Variants in NUP54 observed in about 807,000 individuals in gnomAD.
NUP54 encodes nucleoporin 54.
In NUP54, 27 loss-of-function variants were observed where a neutral mutation model predicts 66.4. The ratio of observed to expected loss-of-function variants is 0.41; its 90% CI spans 0.30 to 0.56. NUP54 has a LOEUF of 0.56. Among genes scored for constraint, NUP54 ranks in the 20% least tolerant of loss-of-function variants. The pLI is 0.34. For missense variants in NUP54, 486 were observed against 596.3 expected, an observed-to-expected ratio of 0.82 and a Z score of 1.93; for synonymous variants, 206 against 210.7, an observed-to-expected ratio of 0.98 and a Z score of 0.19.
At chr4:76,134,511 C>CCT in intron 4 of NUP54, 149 bp from the exon 5 acceptor site, 2 of 668,156 alleles carry the variant, frequency 3.0e-6, no homozygotes, top group Non-Finnish European at 4.9e-6. Flanking sequence ...CCATTTTGTG[C>CCT]CCTAGGAGGT....
chr4:76,130,286 A>AT (rs1730746429), intron 8 of NUP54, among the ~76,000 whole-genome samples: 1 of 152,186 alleles, frequency 6.6e-6, no homozygotes, highest in Non-Finnish European at 1.5e-5. Flanking sequence ...ATATTTAAGC[A>AT]TTAATTTTAT....
At position 76,125,665 on chromosome 4, in the gene NUP54, G is replaced by A. The variant is rs1206506581; in HGVS notation, c.1057-909C>T. Among the ~76,000 whole-genome samples the A allele has an allele frequency of 5.6e-3, 114 of 20,464 alleles. 12 individuals are homozygous for A. Among genetic ancestry groups the A allele is most frequent in the Non-Finnish European group, 6.6e-3 (73 of 11,098 alleles). 13.4% of individuals were successfully genotyped at this position (20,464 alleles called of 152,430 possible). On this transcript the variant is annotated intron_variant, in intron 8 of 11. Coordinates refer to ENST00000264883, the MANE Select transcript of NUP54 (RefSeq NM_017426.4). Reference sequence around the variant, plus strand: ...GGGAGAGGGGGAGAGGGAGAGAGGGGGAGAGAGGGAGAGAGGGAGAGGGAG... The same window carrying A: ...GGGAGAGGGGGAGAGGGAGAGAGGGAGAGAGAGGGAGAGAGGGAGAGGGAG...
intron 1 of NUP54, chr4:76,147,697 A>C (rs1731562782): frequency 1.7e-6 from 2 of 1,209,652 alleles, no homozygotes; most frequent in African/African-American, 3.2e-5. Flanking sequence ...GGGAAAAAGA[A>C]AAGAAAGCAA....
intron 1 of NUP54, chr4:76,145,904 G>A (rs945263301): frequency 3.6e-6 from 1 of 275,522 alleles, no homozygotes; most frequent in Non-Finnish European, 7.1e-6. Flanking sequence ...TTGCATGCAG[G>A]CACAACTAAA....
chr4:76,121,983 G>C (rs924403230), intron 9 of NUP54, among the ~76,000 whole-genome samples: 2 of 152,116 alleles, frequency 1.3e-5, no homozygotes, highest in Non-Finnish European at 2.9e-5. Context: ...AAACCTCCAA[G>C]ATAGCAACAA....
chr4:76,115,981 T>C (rs1315573288), intron 11 of NUP54, among the ~76,000 whole-genome samples: 1 of 152,218 alleles, frequency 6.6e-6, no homozygotes, highest in Non-Finnish European at 1.5e-5. Flanking sequence ...ATTCACTCAC[T>C]TAACTCATTT....
intron 9 of NUP54, among the ~76,000 whole-genome samples, chr4:76,119,577 G>A (rs371981300): frequency 4.7e-5 from 7 of 149,018 alleles, no homozygotes; most frequent in Admixed American, 1.3e-4. Flanking sequence ...GAGGTCTCCC[G>A]ATGTTGCCCA....
Position 76,134,373 on chromosome 4 carries a change from A to C in NUP54, c.523-11T>G. 2.5e-6 allele frequency: 4 copies of C among 1,592,386 alleles called. No individual in the cohort carries two copies. Among genetic ancestry groups the C allele is most frequent in the Non-Finnish European group, 3.4e-6 (4 of 1,165,748 alleles). On this transcript the variant is annotated splice_polypyrimidine_tract_variant and intron_variant, in intron 4 of 11. Coordinates refer to ENST00000264883, the MANE Select transcript of NUP54 (RefSeq NM_017426.4). ...ACTATAACCTACTGCCTGTGGAATG[A>C]CAAAATAAACAATATAAAAAATATG...
At chr4:76,117,561 C>A in intron 11 of NUP54, 103 bp downstream of exon 11, 1 of 717,282 alleles carries the variant, frequency 1.4e-6, no homozygotes, top group South Asian at 1.8e-5. Context: ...TCCAATTTCT[C>A]CACATTCTCA....
Position 76,132,721 on chromosome 4 carries a change from TGAAG to T in NUP54, c.711-6_711-3del. On this transcript the variant is annotated splice_region_variant and splice_polypyrimidine_tract_variant and intron_variant, in intron 5 of 11. Transcript: ENST00000264883. ...ACAACATAAATAACAACTTCTGTCC[TGAAG>T]GAAGAATAACCAATTTATAAAATAT... 1 of 1,603,086 alleles carries T rather than the reference TGAAG, an allele frequency of 6.2e-7. No individual in the cohort carries two copies. Among genetic ancestry groups the T allele is most frequent in the Non-Finnish European group, 8.5e-7 (1 of 1,174,628 alleles).
At chr4:76,146,622 C>T (rs1560694919) in intron 1 of NUP54, among the ~76,000 whole-genome samples, 1 of 152,094 alleles carries the variant, frequency 6.6e-6, no homozygotes, top group Non-Finnish European at 1.5e-5. Context: ...GGCATGGGCA[C>T]AAGAGGCATA....
In NUP54 at chr4:76,117,932, T is replaced by A; in HGVS notation, c.1284+143A>T. On this transcript the variant is annotated intron_variant, in intron 10 of 11. Transcript: ENST00000264883. ...ACACTAATACTAGCCAAAAGAACCA[T>A]GACTGAGTTTACTTTAGAAAGGAAG... 3 of 1,018,564 alleles carry A rather than the reference T, an allele frequency of 2.9e-6. No individual in the cohort carries two copies. The South Asian group carries it at 4.6e-5, about 16-fold the overall frequency. The allele number at this position is 1,018,564 out of a possible 1,614,324, so 63.1% of individuals were successfully genotyped here. A position where few individuals can be genotyped will look rare whatever the true frequency, so the allele number is the denominator to read the frequency against.
At chr4:76,118,020 T>C (rs1260284724) in intron 10 of NUP54, 55 bp downstream of exon 10, 13 of 1,569,080 alleles carry the variant, frequency 8.3e-6, no homozygotes, top group Admixed American at 5.3e-5. Flanking sequence ...CATAACTTTT[T>C]GTCTGCAGAT....
chr4:76,141,866 A>G (rs1026719007), intron 3 of NUP54, among the ~76,000 whole-genome samples: 3 of 151,066 alleles, frequency 2.0e-5, no homozygotes, highest in Admixed American at 6.6e-5. Flanking sequence ...CTCACTACTG[A>G]CCCTGAGGTC....
intron 8 of NUP54, among the ~76,000 whole-genome samples, chr4:76,129,397 G>GTT (rs745647711): frequency 2.0e-5 from 3 of 152,132 alleles, no homozygotes; most frequent in Admixed American, 1.3e-4. Context: ...ACACAAATCC[G>GTT]TAAGTGTTGC....
chr4:76,119,022 A>T (rs34067866), intron 9 of NUP54, among the ~76,000 whole-genome samples: 27,046 of 152,004 alleles, frequency 0.18, 2,515 homozygotes, highest in East Asian at 0.36. Context: ...CAGACAAACA[A>T]AAACTATGGT....
chr4:76,144,756 T>A (rs948970667), intron 1 of NUP54, among the ~76,000 whole-genome samples: 4 of 152,188 alleles, frequency 2.6e-5, no homozygotes, highest in African/African-American at 9.7e-5. Flanking sequence ...GAAAACACAT[T>A]AAGCCTATTG....
At chr4:76,134,480 A>G in intron 4 of NUP54, 118 bp from the exon 5 acceptor site, 1 of 827,714 alleles carries the variant, frequency 1.2e-6, no homozygotes, top group Non-Finnish European at 1.9e-6. Context: ...CTGGTAATTA[A>G]GGGAATAATG....
chr4:76,129,518 A>C (rs578172385), intron 8 of NUP54, among the ~76,000 whole-genome samples: 31 of 152,258 alleles, frequency 2.0e-4, no homozygotes, highest in African/African-American at 7.2e-4. Flanking sequence ...AGAAAACTTC[A>C]CCCAAGGACT....
Sources: gnomAD v4.1 joint callset for allele counts (sites outside exome capture counted in the v4.1 genomes callset) on GRCh38, gnomAD v4.1.1 for gene constraint, MANE v1.5 for transcripts, NCBI Gene and HGNC (gene_info 2026-07-23, HGNC 2026-07-21) for gene names.